VKORC1L1: variants seen among roughly 807,000 people sequenced by gnomAD.
The protein encoded by VKORC1L1 is vitamin K epoxide reductase complex subunit 1-like protein 1.
A neutral mutation model predicts 18.9 loss-of-function variants in VKORC1L1; 2 were observed. The observed-to-expected ratio is 0.11, with a 90% CI of 0.04 to 0.33. The LOEUF (loss-of-function observed/expected upper bound fraction) is 0.33. VKORC1L1 is among the 10% of genes least tolerant of loss of function. The pLI, the probability that VKORC1L1 is intolerant of heterozygous loss-of-function variation, is 1.00. For synonymous variants in VKORC1L1, 96 were observed against 100.0 expected, an observed-to-expected ratio of 0.96 and a Z score of 0.24; for missense variants, 123 against 224.1, an observed-to-expected ratio of 0.55 and a Z score of 2.88.
intron 1 of VKORC1L1, among the ~76,000 whole-genome samples, chr7:65,934,695 A>G (rs914685018): frequency 1.3e-5 from 2 of 152,104 alleles, no homozygotes; most frequent in African/African-American, 4.8e-5. Context: ...CACGTCACCA[A>G]TGACAGAATT....
At chr7:65,921,200 T>A (rs187900297) in intron 1 of VKORC1L1, among the ~76,000 whole-genome samples, 1 of 152,218 alleles carries the variant, frequency 6.6e-6, no homozygotes, top group African/African-American at 2.4e-5. Context: ...GTAGTATTTT[T>A]AGTAGGCATT....
the VKORC1L1 span, among the ~76,000 whole-genome samples, chr7:65,866,329 C>T: frequency 1.3e-5 from 2 of 152,206 alleles, no homozygotes; most frequent in African/African-American, 4.8e-5. Flanking sequence ...AGAACATGCA[C>T]GTTCATTAGC....
At position 65,895,516 on chromosome 7, in the gene VKORC1L1, T is replaced by TACACACAC. The variant is rs1554395162; in HGVS notation, c.194+21967_194+21974dup. On this transcript the variant is annotated intron_variant, in intron 1 of 2. Transcript: ENST00000360768. ...ATATATATATATATATATATATATA[T>TACACACAC]ACACACACACACACACACACACATA... Among the ~76,000 whole-genome samples, 435 of 71,236 alleles carry TACACACAC rather than the reference T, an allele frequency of 6.1e-3. 6 individuals carry two copies. Among genetic ancestry groups the TACACACAC allele is most frequent in the East Asian group, 0.027 (48 of 1,780 alleles). The allele number at this position is 71,236 out of a possible 152,430, so 46.7% of individuals were successfully genotyped here.
rs565708439 is a variant in VKORC1L1, at chr7:65,949,714, A to G, written c.304+934A>G. Reference sequence around the variant, plus strand: ...TGAGAGAATCACTTGAGTCCAAGAGATGGAGGTTGCAGGGAGCCGAGATCA... The same window carrying G: ...TGAGAGAATCACTTGAGTCCAAGAGGTGGAGGTTGCAGGGAGCCGAGATCA... On this transcript the variant is annotated intron_variant, in intron 2 of 2. Coordinates refer to ENST00000360768, the MANE Select transcript of VKORC1L1 (RefSeq NM_173517.6). Among the ~76,000 whole-genome samples the G allele has an allele frequency of 2.2e-3, 328 of 151,900 alleles. 7 individuals carry two copies. The highest frequency in any genetic ancestry group is 1.9e-4 in the Non-Finnish European group (13 of 67,924).
At chr7:65,918,271 G>A (rs1789620519) in intron 1 of VKORC1L1, among the ~76,000 whole-genome samples, 2 of 152,210 alleles carry the variant, frequency 1.3e-5, no homozygotes, top group Non-Finnish European at 1.5e-5. Context: ...TAACTCTTCA[G>A]GGAATGCAAA....
At chr7:65,933,823 CT>C (rs1789897436) in intron 1 of VKORC1L1, among the ~76,000 whole-genome samples, 1 of 151,914 alleles carries the variant, frequency 6.6e-6, no homozygotes, top group Non-Finnish European at 1.5e-5. Context: ...TCTGTGAATT[CT>C]TATGTGGTAG....
intron 1 of VKORC1L1, among the ~76,000 whole-genome samples, chr7:65,936,649 A>G (rs1789945941): frequency 6.6e-6 from 1 of 152,198 alleles, no homozygotes; most frequent in Non-Finnish European, 1.5e-5. Context: ...TATTCCATGC[A>G]TGTGCCACTT....
At chr7:65,895,516 T>TATATATACACAC (rs370356956) in intron 1 of VKORC1L1, among the ~76,000 whole-genome samples, 80 of 71,502 alleles carry the variant, frequency 1.1e-3, no homozygotes, top group East Asian at 7.2e-3. Context: ...TATATATATA[T>TATATATACACAC]ACACACACAC....
rs558051747 is a variant in VKORC1L1, at chr7:65,936,596, A to G, written c.195-12075A>G. On this transcript the variant is annotated intron_variant, in intron 1 of 2. Coordinates refer to ENST00000360768, the MANE Select transcript of VKORC1L1 (RefSeq NM_173517.6). ...GTCTGCAATTTGAATGATGGTTTAT[A>G]TCATAGTTTATTTCTGAGAGACTTT... Among the ~76,000 whole-genome samples the G allele has an allele frequency of 2.0e-5, 3 of 152,240 alleles. No individual in the cohort carries two copies. In the South Asian group the frequency reaches 6.2e-4, roughly 32 times the overall value.
intron 1 of VKORC1L1, among the ~76,000 whole-genome samples, chr7:65,904,406 T>C (rs1008368252): frequency 6.6e-6 from 1 of 152,122 alleles, no homozygotes; most frequent in African/African-American, 2.4e-5. Context: ...GGTTTCACCA[T>C]GTTGGCCAGG....
Position 65,874,173 on chromosome 7 carries a change from C to T in VKORC1L1, c.194+608C>T, listed in dbSNP as rs370177728. ...TGGGACGGTGACATTTGCTGGCAAACACGAATTTGACCCTACTGTGGAAGA... is the reference window on the plus strand; with the variant it reads ...TGGGACGGTGACATTTGCTGGCAAATACGAATTTGACCCTACTGTGGAAGA... On this transcript the variant is annotated intron_variant, in intron 1 of 2. Coordinates refer to ENST00000360768, the MANE Select transcript of VKORC1L1 (RefSeq NM_173517.6). Among the ~76,000 whole-genome samples, 51 of 152,240 alleles carry T rather than the reference C, an allele frequency of 3.3e-4. No homozygotes were observed. The South Asian group carries it at 7.3e-3, about 22-fold the overall frequency.
At chr7:65,925,362 T>C (rs1385323250) in intron 1 of VKORC1L1, among the ~76,000 whole-genome samples, 3 of 152,182 alleles carry the variant, frequency 2.0e-5, no homozygotes, top group Non-Finnish European at 4.4e-5. Flanking sequence ...GGATCCATCT[T>C]CAGTGCTCTA....
chr7:65,893,406 T>C (rs1015491518), intron 1 of VKORC1L1, among the ~76,000 whole-genome samples: 1 of 152,056 alleles, frequency 6.6e-6, no homozygotes, highest in African/African-American at 2.4e-5. Context: ...CTGGATGTGA[T>C]AGCACATGCA....
At chr7:65,870,561 C>A (rs192659690), upstream of VKORC1L1, among the ~76,000 whole-genome samples, 26 of 152,136 alleles carry the variant, frequency 1.7e-4, no homozygotes, top group Non-Finnish European at 3.2e-4. Context: ...AGAATGGACA[C>A]GTAAAATTGT....
chr7:65,896,143 A>T (rs2116376346), intron 1 of VKORC1L1, among the ~76,000 whole-genome samples: 1 of 149,402 alleles, frequency 6.7e-6, no homozygotes, highest in South Asian at 2.1e-4. Context: ...ACCTCAAGTG[A>T]TTCACTCGCC....
At chr7:65,893,086 G>C (rs755547764) in intron 1 of VKORC1L1, among the ~76,000 whole-genome samples, 2 of 152,196 alleles carry the variant, frequency 1.3e-5, no homozygotes, top group Non-Finnish European at 2.9e-5. Flanking sequence ...CTCCCATCAA[G>C]CCAAACATTA....
At chr7:65,945,087 C>A (rs1421351475) in intron 1 of VKORC1L1, among the ~76,000 whole-genome samples, 3 of 151,464 alleles carry the variant, frequency 2.0e-5, no homozygotes, top group African/African-American at 7.3e-5. Flanking sequence ...ATGGTGAAAC[C>A]CCATCTCTAC....
intron 2 of VKORC1L1, among the ~76,000 whole-genome samples, chr7:65,950,744 A>C (rs192912128): frequency 6.6e-6 from 1 of 152,388 alleles, no homozygotes; most frequent in Non-Finnish European, 1.5e-5. Context: ...TATCCTAGAA[A>C]GATAAAGACA....
intron 1 of VKORC1L1, among the ~76,000 whole-genome samples, chr7:65,906,855 G>A (rs1256062429): frequency 2.0e-5 from 3 of 152,176 alleles, no homozygotes; most frequent in Admixed American, 6.6e-5. Flanking sequence ...GGCCATAGGA[G>A]GCTATAACCT....
Sources: allele counts gnomAD v4.1 joint callset (sites outside exome capture counted in the v4.1 genomes callset), GRCh38; gene constraint gnomAD v4.1.1; transcripts MANE v1.5; gene names NCBI Gene and HGNC (gene_info 2026-07-23, HGNC 2026-07-21).